The following ADAMTSL1 variants were observed in gnomAD, a reference collection of about 807,000 sequenced individuals.
The protein encoded by ADAMTSL1 is ADAMTS like 1, also known as ADAMTS-like protein 1.
Under a neutral mutation model 201.8 loss-of-function variants are expected in ADAMTSL1, and 126 were observed. The ratio of observed to expected loss-of-function variants is 0.62; its 90% confidence interval spans 0.54 to 0.72. ADAMTSL1 has a LOEUF of 0.72. Among genes scored for constraint, ADAMTSL1 ranks in the 30% least tolerant of loss-of-function variants. ADAMTSL1 has a pLI of 0.00. For synonymous variants in ADAMTSL1, 1,121 were observed against 903.4 expected, an observed-to-expected ratio of 1.24 and a Z score of -4.32; for missense variants, 2,679 against 2,277.8, an observed-to-expected ratio of 1.18 and a Z score of -3.59.
At chr9:18,757,235 A>G (rs1184849410) in intron 16 of ADAMTSL1, among the ~76,000 whole-genome samples, 2 of 152,136 alleles carry the variant, frequency 1.3e-5, no homozygotes, top group African/African-American at 4.8e-5. Context: ...CAGCTTTTGA[A>G]CACTTATTTT....
intron 2 of ADAMTSL1, among the ~76,000 whole-genome samples, chr9:18,178,922 G>A (rs1270882280): frequency 6.6e-6 from 1 of 151,802 alleles, no homozygotes; most frequent in Non-Finnish European, 1.5e-5. Context: ...CCACAAAGAT[G>A]GGGAAAAAAC....
intron 14 of ADAMTSL1, among the ~76,000 whole-genome samples, chr9:18,709,603 T>C (rs142888603): frequency 6.0e-4 from 91 of 152,340 alleles, no homozygotes; most frequent in African/African-American, 2.1e-3. Flanking sequence ...GTAACAATTA[T>C]ACTATTCTGG....
At chr9:18,644,763 AC>A (rs1171662295) in intron 7 of ADAMTSL1, among the ~76,000 whole-genome samples, 1 of 152,050 alleles carries the variant, frequency 6.6e-6, no homozygotes, top group East Asian at 1.9e-4. Context: ...TATATGTGCC[AC>A]ATTTTCTTAA....
At chr9:18,858,346 C>G (rs1434320224) in intron 23 of ADAMTSL1, among the ~76,000 whole-genome samples, 2 of 152,178 alleles carry the variant, frequency 1.3e-5, no homozygotes, top group African/African-American at 4.8e-5. Context: ...CATCCCTCCT[C>G]AGGTCACCAC....
At position 18,213,673 on chromosome 9, in the gene ADAMTSL1, A is replaced by C. The variant is rs1409235456; in HGVS notation, c.207+49692A>C. 2.0e-5 allele frequency among the ~76,000 whole-genome samples: 3 copies of C among 152,218 alleles called. No individual in the cohort carries two copies. In the East Asian group the frequency reaches 5.8e-4, roughly 29 times the overall value. On this transcript the variant is annotated intron_variant, in intron 2 of 29. Coordinates refer to the ADAMTSL1 transcript ENST00000680146. ...GGGAATTGACGGTTTTCAAGATAGC[A>C]CATACGGAAACCTCAGAGATAGAGG...
At chr9:18,218,914 G>C (rs1014108130) in intron 2 of ADAMTSL1, among the ~76,000 whole-genome samples, 4 of 151,890 alleles carry the variant, frequency 2.6e-5, no homozygotes, top group African/African-American at 9.7e-5. Context: ...AGTTTATCTG[G>C]AATTTATTTA....
In ADAMTSL1 at chr9:18,297,544, G is replaced by C. The variant is rs1833521811; in HGVS notation, c.207+133563G>C. Among the ~76,000 whole-genome samples, 3 of 151,990 alleles carry C rather than the reference G, an allele frequency of 2.0e-5. No homozygotes were observed. In the South Asian group the frequency reaches 6.2e-4, roughly 32 times the overall value. ...GCAAGTTGCCACACGAAAATTAAAG[G>C]GGTCAAATTCAAAAGGAATATGTGT... On this transcript the variant is annotated intron_variant, in intron 2 of 29. Transcript: ENST00000680146.
Position 18,721,653 on chromosome 9 carries a change from C to T in ADAMTSL1, c.1994C>T (p.Pro665Leu), listed in dbSNP as rs1232191961. The T allele has an allele frequency of 5.0e-6, 8 of 1,613,888 alleles. No homozygotes were observed. Among genetic ancestry groups the T allele is most frequent in the Non-Finnish European group, 6.8e-6 (8 of 1,179,834 alleles). The change falls in exon 15 of 29, where the codon CCC becomes CTC. Residue 665 changes from proline (P) to leucine (L), a missense_variant. Physicochemically the swap from Pro to Leu is moderately conservative, Grantham distance 98. Transcript: ENST00000380548. ...PQLLKSCNLDPCPARWEIGKW... is the reference protein window; with the variant it reads ...PQLLKSCNLDLCPARWEIGKW... ...CTCCTGAAGTCCTGCAATTTGGATCCCTGCCCAGCAAGGTAAGGGATGTGT... is the reference window on the plus strand; with the variant it reads ...CTCCTGAAGTCCTGCAATTTGGATCTCTGCCCAGCAAGGTAAGGGATGTGT...
intron 21 of ADAMTSL1, among the ~76,000 whole-genome samples, chr9:18,823,672 G>A (rs1484626766): frequency 6.6e-6 from 1 of 152,198 alleles, no homozygotes; most frequent in Non-Finnish European, 1.5e-5. Context: ...CAATGTGAGG[G>A]AAAGAGGATG....
At position 18,065,068 on chromosome 9, in the gene ADAMTSL1, A is replaced by G. The variant is rs115726709; in HGVS notation, c.88-98794A>G. 5.2e-3 allele frequency among the ~76,000 whole-genome samples: 761 copies of G among 147,286 alleles called. 4 individuals are homozygous for G. Among genetic ancestry groups the G allele is most frequent in the African/African-American group, 0.018 (726 of 39,982 alleles). The stretch of plus-strand genomic sequence containing the variant: ...TTATTAAATATGTTCGAAGCAATTC[A>G]GTACCTTGGGGAAAACAACTTCAAA... On this transcript the variant is annotated intron_variant, in intron 1 of 29. Coordinates refer to the ADAMTSL1 transcript ENST00000680146.
intron 3 of ADAMTSL1, among the ~76,000 whole-genome samples, chr9:18,540,885 A>G (rs1820091243): frequency 1.3e-5 from 2 of 152,160 alleles, no homozygotes; most frequent in South Asian, 2.1e-4. Flanking sequence ...CCCACCTACT[A>G]GAGAGGGCCT....
intron 4 of ADAMTSL1, among the ~76,000 whole-genome samples, chr9:18,576,660 T>G (rs533552257): frequency 6.6e-6 from 1 of 152,178 alleles, no homozygotes; most frequent in South Asian, 2.1e-4. Flanking sequence ...CACGAATAAT[T>G]TGGGTGGCAT....
intron 26 of ADAMTSL1, chr9:18,905,536 C>T: frequency 2.0e-6 from 1 of 504,840 alleles, no homozygotes; most frequent in East Asian, 3.3e-5. Context: ...CGTTCTCTTA[C>T]TGGTTCTACA....
intron 14 of ADAMTSL1, among the ~76,000 whole-genome samples, chr9:18,712,172 ACT>A (rs1832657312): frequency 5.3e-5 from 8 of 152,302 alleles, no homozygotes; most frequent in Admixed American, 3.3e-4. Context: ...AAAACTGGAA[ACT>A]CTAAAAAGCA....
chr9:17,979,566 G>GT (rs1311486264), intron 1 of ADAMTSL1, among the ~76,000 whole-genome samples: 6 of 149,526 alleles, frequency 4.0e-5, no homozygotes, highest in African/African-American at 9.9e-5. Context: ...TTAACGTCAT[G>GT]TTTTTTTCAT....
At chr9:18,870,064 G>T (rs982738283) in intron 23 of ADAMTSL1, among the ~76,000 whole-genome samples, 14 of 151,780 alleles carry the variant, frequency 9.2e-5, no homozygotes, top group African/African-American at 3.4e-4. Flanking sequence ...TTTTCATATT[G>T]TTAAGCTCTA....
chr9:18,474,128 T>C, upstream of ADAMTSL1: 1 of 969,380 alleles, frequency 1.0e-6, no homozygotes, highest in Non-Finnish European at 1.6e-6. Flanking sequence ...TGGAAGCTGA[T>C]AGGCAGGACT....
chr9:18,538,879 G>T (rs6475227), intron 3 of ADAMTSL1, among the ~76,000 whole-genome samples: 90,396 of 152,028 alleles, frequency 0.59, 27,048 homozygotes, highest in East Asian at 0.79. Flanking sequence ...AAACAATGAC[G>T]CTGCTACAGG....
chr9:18,154,535 A>G (rs1211266162), intron 1 of ADAMTSL1, among the ~76,000 whole-genome samples: 1 of 152,100 alleles, frequency 6.6e-6, no homozygotes, highest in Non-Finnish European at 1.5e-5. Flanking sequence ...ATGTGTACAC[A>G]TATGTGCCTG....
Sources: gnomAD v4.1 joint callset for allele counts (sites outside exome capture counted in the v4.1 genomes callset) on GRCh38, gnomAD v4.1.1 for gene constraint, MANE v1.5 for transcripts, NCBI Gene and HGNC (gene_info 2026-07-23, HGNC 2026-07-21) for gene names.